Variants in MIR2052HG observed in about 807,000 individuals in gnomAD.
MIR2052HG encodes MIR2052 host gene.
chr8:74,602,209 T>C (rs1002226582), intron 1 of MIR2052HG, among the ~76,000 whole-genome samples: 2 of 152,218 alleles, frequency 1.3e-5, no homozygotes, highest in Admixed American at 6.5e-5. Context: ...AAAACCAAGA[T>C]GGTGATGAAA....
chr8:74,627,230 G>A (rs1006169912), intron 2 of MIR2052HG, among the ~76,000 whole-genome samples: 1 of 152,170 alleles, frequency 6.6e-6, no homozygotes, highest in Non-Finnish European at 1.5e-5. Flanking sequence ...ACATTCATAA[G>A]TACCATCATT....
rs984065348 is a variant in MIR2052HG at position 74,654,752 on chromosome 8, A to G, written n.216+41812A>G. Among the ~76,000 whole-genome samples, 6 of 152,276 alleles carry G rather than the reference A, an allele frequency of 3.9e-5. 1 individual carries two copies. Among genetic ancestry groups the G allele is most frequent in the African/African-American group, 1.4e-4 (6 of 41,564 alleles). ...AAATGGGCTAATATAGTAAATTGGTATCAGGAGTAGGGTGTTCCTGAGAAG... is the reference window on the plus strand; with the variant it reads ...AAATGGGCTAATATAGTAAATTGGTGTCAGGAGTAGGGTGTTCCTGAGAAG... On this transcript the variant is annotated intron_variant and non_coding_transcript_variant, in intron 2 of 6. Transcript: ENST00000523442.
intron 4 of MIR2052HG, among the ~76,000 whole-genome samples, chr8:74,712,173 T>C (rs1809474690): frequency 6.6e-6 from 1 of 152,220 alleles, no homozygotes; most frequent in Non-Finnish European, 1.5e-5. Context: ...ATAGTGGTAA[T>C]ACCCACTGTG....
chr8:74,741,302 T>C (rs577731747), intron 4 of MIR2052HG, among the ~76,000 whole-genome samples: 1 of 152,318 alleles, frequency 6.6e-6, no homozygotes, highest in Non-Finnish European at 1.5e-5. Context: ...ACTTAGCAGG[T>C]ACTTTAAAAA....
chr8:74,668,730 A>T (rs1808958753), intron 2 of MIR2052HG, among the ~76,000 whole-genome samples: 1 of 152,152 alleles, frequency 6.6e-6, no homozygotes, highest in Non-Finnish European at 1.5e-5. Context: ...CACCTCTTGG[A>T]ACTGCCCCAC....
intron 2 of MIR2052HG, among the ~76,000 whole-genome samples, chr8:74,616,166 T>C (rs1169962549): frequency 7.2e-5 from 11 of 152,010 alleles, no homozygotes; most frequent in Admixed American, 6.5e-4. Flanking sequence ...TTTCTAGTTG[T>C]AGATCCTTGA....
At chr8:74,691,441 G>A (rs560203229) in intron 2 of MIR2052HG, among the ~76,000 whole-genome samples, 383 of 152,258 alleles carry the variant, frequency 2.5e-3, no homozygotes, top group Non-Finnish European at 4.3e-3. Context: ...TAATTTGGCC[G>A]TGTCTTTATA....
intron 2 of MIR2052HG, among the ~76,000 whole-genome samples, chr8:74,693,052 A>G (rs1310759078): frequency 1.3e-5 from 2 of 152,230 alleles, no homozygotes; most frequent in Non-Finnish European, 2.9e-5. Flanking sequence ...GAACAAAGAC[A>G]TTATAATCTG....
intron 4 of MIR2052HG, among the ~76,000 whole-genome samples, chr8:74,723,119 A>T (rs1298819221): frequency 3.3e-5 from 5 of 152,206 alleles, no homozygotes; most frequent in Non-Finnish European, 7.3e-5. Flanking sequence ...CATGAAGAAA[A>T]TGTCTTGCCT....
chr8:74,617,461 GTGTGT>G (rs1808300870), intron 2 of MIR2052HG, among the ~76,000 whole-genome samples: 1 of 19,440 alleles, frequency 5.1e-5, no homozygotes, highest in African/African-American at 2.5e-4. Flanking sequence ...CATTGGGTGT[GTGTGT>G]GTGTGTGTGT....
intron 6 of MIR2052HG, chr8:74,758,302 G>A (rs898555031): frequency 1.3e-5 from 2 of 151,806 alleles, no homozygotes; most frequent in African/African-American, 2.4e-5. Context: ...TTGTGTAAAT[G>A]TAGATAAGCA....
chr8:74,696,343 T>C (rs1809296120), intron 2 of MIR2052HG, among the ~76,000 whole-genome samples: 1 of 152,080 alleles, frequency 6.6e-6, no homozygotes, highest in East Asian at 1.9e-4. Flanking sequence ...GAAAAGTTCA[T>C]GGCATTAAAT....
chr8:74,734,857 A>T (rs575467682), intron 4 of MIR2052HG, among the ~76,000 whole-genome samples: 1 of 152,362 alleles, frequency 6.6e-6, no homozygotes, highest in Non-Finnish European at 1.5e-5. Flanking sequence ...CATACAGCTG[A>T]AAATCACATC....
chr8:74,630,922 T>C (rs1808502681), intron 2 of MIR2052HG, among the ~76,000 whole-genome samples: 1 of 152,212 alleles, frequency 6.6e-6, no homozygotes, highest in Non-Finnish European at 1.5e-5. Flanking sequence ...AGAGATTCAA[T>C]AATTTGCCCA....
intron 2 of MIR2052HG, among the ~76,000 whole-genome samples, chr8:74,683,446 A>G (rs1455253360): frequency 1.3e-5 from 2 of 152,096 alleles, no homozygotes; most frequent in African/African-American, 4.8e-5. Flanking sequence ...GAAATAAAAC[A>G]CCATCTGCTT....
At chr8:74,648,025 A>ATT (rs1808711843) in intron 2 of MIR2052HG, among the ~76,000 whole-genome samples, 2 of 152,204 alleles carry the variant, frequency 1.3e-5, no homozygotes, top group Non-Finnish European at 2.9e-5. Context: ...ACCCTAAAAA[A>ATT]GAACAGAATA....
intron 2 of MIR2052HG, among the ~76,000 whole-genome samples, chr8:74,698,119 A>G (rs1305154522): frequency 6.6e-6 from 1 of 152,216 alleles, no homozygotes; most frequent in African/African-American, 2.4e-5. Context: ...CTGTAAGGCC[A>G]TAGTCACCAA....
At chr8:74,604,161 G>T (rs1808072142) in intron 1 of MIR2052HG, 1 of 891,182 alleles carries the variant, frequency 1.1e-6, no homozygotes, top group Non-Finnish European at 1.9e-6. Context: ...TCTTTCCGAT[G>T]ATACTGCCAA....
intron 4 of MIR2052HG, among the ~76,000 whole-genome samples, chr8:74,719,346 T>C (rs1407968480): frequency 1.3e-5 from 2 of 152,172 alleles, no homozygotes; most frequent in Admixed American, 6.5e-5. Context: ...ATAATGGAGA[T>C]TGCATAGCGA....
Sources: allele counts gnomAD v4.1 joint callset (sites outside exome capture counted in the v4.1 genomes callset), GRCh38; gene constraint gnomAD v4.1.1; transcripts MANE v1.5; gene names NCBI Gene and HGNC (gene_info 2026-07-23, HGNC 2026-07-21).